Variants in MAST2 observed in about 807,000 individuals in gnomAD.
MAST2 encodes the protein microtubule associated serine/threonine kinase 2.
MAST2 carries 70 observed loss-of-function variants against 147.4 expected under a neutral mutation model. The ratio of observed to expected loss-of-function variants is 0.47; its 90% confidence interval spans 0.39 to 0.58. The LOEUF is 0.58. Ranked by LOEUF, MAST2 falls within the 20% of genes least tolerant of loss-of-function variation. The probability of loss-of-function intolerance (pLI) is 0.00; values close to 1 mark genes in which losing one functional copy is unlikely to be tolerated. For missense variants in MAST2, 2,080 were observed against 2,302.3 expected, an observed-to-expected ratio of 0.90 and a Z score of 1.98; for synonymous variants, 869 against 896.8, an observed-to-expected ratio of 0.97 and a Z score of 0.55.
At chr1:45,909,774 C>T (rs1208526438) in intron 4 of MAST2, among the ~76,000 whole-genome samples, 1 of 152,034 alleles carries the variant, frequency 6.6e-6, no homozygotes, top group African/African-American at 2.4e-5. Context: ...CTTTTGCCTC[C>T]CAAAGTGCTG....
rs553751219 is a variant in MAST2 at position 45,931,181 on chromosome 1, G to A, written c.501-28205G>A. The stretch of plus-strand genomic sequence containing the variant: ...ATGTGTTAGAATTTTACTGTTATTC[G>A]TCTTCTATCTCCTTTAATCTGATGC... On this transcript the variant is annotated intron_variant, in intron 4 of 28. Transcript: ENST00000361297. 1.3e-4 allele frequency among the ~76,000 whole-genome samples: 20 copies of A among 152,158 alleles called. No individual in the cohort carries two copies. The South Asian group carries it at 3.5e-3, about 27-fold the overall frequency.
intron 1 of MAST2, among the ~76,000 whole-genome samples, chr1:45,808,783 C>T (rs753641636): frequency 6.6e-6 from 1 of 152,052 alleles, no homozygotes; most frequent in Non-Finnish European, 1.5e-5. Flanking sequence ...TATAAATACT[C>T]GTTAAATGTT....
chr1:45,817,774 C>T (rs1263562440), intron 1 of MAST2, among the ~76,000 whole-genome samples: 1 of 152,158 alleles, frequency 6.6e-6, no homozygotes, highest in African/African-American at 2.4e-5. Flanking sequence ...CTTTTCCAGA[C>T]ATAGTATGGT....
intron 4 of MAST2, among the ~76,000 whole-genome samples, chr1:45,927,553 G>A (rs979760153): frequency 6.6e-6 from 1 of 152,004 alleles, no homozygotes; most frequent in Non-Finnish European, 1.5e-5. Flanking sequence ...GAGAAATACG[G>A]CTCTGTTCTG....
rs1183253873 is a variant in MAST2, at chr1:45,917,084, A to G, written c.500+34689A>G. Among the ~76,000 whole-genome samples the G allele has an allele frequency of 2.0e-5, 3 of 152,216 alleles. No individual in the cohort carries two copies. The East Asian group carries it at 5.8e-4, about 29-fold the overall frequency. On this transcript the variant is annotated intron_variant, in intron 4 of 28. Coordinates refer to ENST00000361297, the MANE Select transcript of MAST2 (RefSeq NM_015112.3). The stretch of plus-strand genomic sequence containing the variant: ...CAAGAGCAAAACTCTGTCTCAAAAA[A>G]TAAAAATAAAAATAAATAACAAATA...
At chr1:45,954,447 G>A (rs553430330) in intron 4 of MAST2, among the ~76,000 whole-genome samples, 1 of 152,306 alleles carries the variant, frequency 6.6e-6, no homozygotes, top group African/African-American at 2.4e-5. Context: ...AGGTATGTAA[G>A]AAATTGAAAT....
intron 5 of MAST2, among the ~76,000 whole-genome samples, chr1:45,993,676 T>G (rs928386051): frequency 6.6e-6 from 1 of 151,992 alleles, no homozygotes; most frequent in East Asian, 1.9e-4. Context: ...AAAATGAGAC[T>G]CCATCTCAAA....
intron 4 of MAST2, among the ~76,000 whole-genome samples, chr1:45,887,041 T>TA (rs1647125525): frequency 6.6e-6 from 1 of 152,212 alleles, no homozygotes; most frequent in South Asian, 2.1e-4. Flanking sequence ...TTACTCAGGC[T>TA]GGTCTGGAAC....
intron 4 of MAST2, among the ~76,000 whole-genome samples, chr1:45,925,718 T>C (rs1040607085): frequency 6.6e-6 from 1 of 152,190 alleles, no homozygotes; most frequent in Non-Finnish European, 1.5e-5. Flanking sequence ...AGAGTGATTT[T>C]TATATTGGAA....
intron 5 of MAST2, among the ~76,000 whole-genome samples, chr1:45,985,307 T>G (rs1644570347): frequency 6.6e-6 from 1 of 152,034 alleles, no homozygotes; most frequent in Non-Finnish European, 1.5e-5. Flanking sequence ...TTGGGCAGGC[T>G]AGTCTTGAAC....
At chr1:45,998,979 GCC>G (rs1645167506) in intron 6 of MAST2, among the ~76,000 whole-genome samples, 1 of 151,974 alleles carries the variant, frequency 6.6e-6, no homozygotes. Context: ...TGATCCACCC[GCC>G]TCGGCCTCCC....
chr1:45,880,752 G>T (rs542590360), intron 3 of MAST2, among the ~76,000 whole-genome samples: 1 of 152,028 alleles, frequency 6.6e-6, no homozygotes, highest in Non-Finnish European at 1.5e-5. Context: ...AGACCAAGGT[G>T]GGAGGATCAC....
At chr1:46,030,967 G>T in intron 22 of MAST2, 40 bp from the exon 23 acceptor site, 1 of 1,594,678 alleles carries the variant, frequency 6.3e-7, no homozygotes, top group South Asian at 1.1e-5. Flanking sequence ...GGAGGAGGGG[G>T]ACCACCTGGG....
intron 4 of MAST2, among the ~76,000 whole-genome samples, chr1:45,922,713 G>T (rs1375168363): frequency 6.6e-6 from 1 of 152,198 alleles, no homozygotes; most frequent in Non-Finnish European, 1.5e-5. Context: ...CTGCAGCAGG[G>T]CGGTGGTGGC....
intron 5 of MAST2, among the ~76,000 whole-genome samples, chr1:45,967,185 T>C (rs1661356082): frequency 6.6e-6 from 1 of 151,980 alleles, no homozygotes; most frequent in South Asian, 2.1e-4. Context: ...GCGATTCTCC[T>C]GCCTCATCCT....
intron 6 of MAST2, among the ~76,000 whole-genome samples, chr1:46,000,777 A>G (rs183441104): frequency 3.3e-5 from 5 of 152,328 alleles, no homozygotes; most frequent in African/African-American, 4.8e-5. Flanking sequence ...TGCAATGTCA[A>G]ACAAAAGACA....
intron 3 of MAST2, among the ~76,000 whole-genome samples, chr1:45,844,946 A>G (rs564938171): frequency 6.6e-6 from 1 of 152,290 alleles, no homozygotes; most frequent in East Asian, 1.9e-4. Flanking sequence ...CACGTGGCAG[A>G]AGGTGGAAGG....
At chr1:45,988,805 A>C (rs144253883) in intron 5 of MAST2, among the ~76,000 whole-genome samples, 19 of 152,064 alleles carry the variant, frequency 1.2e-4, no homozygotes, top group African/African-American at 4.6e-4. Flanking sequence ...CTTGACTTAG[A>C]TCAATTTGGT....
chr1:45,928,804 A>C (rs1654814776), intron 4 of MAST2, among the ~76,000 whole-genome samples: 1 of 151,824 alleles, frequency 6.6e-6, no homozygotes. Flanking sequence ...TGTACTGCAA[A>C]GTTTATTTTA....
Sources: allele counts gnomAD v4.1 joint callset (sites outside exome capture counted in the v4.1 genomes callset), GRCh38; gene constraint gnomAD v4.1.1; transcripts MANE v1.5; gene names NCBI Gene and HGNC (gene_info 2026-07-23, HGNC 2026-07-21).